BRF2: variants seen among roughly 807,000 people sequenced by gnomAD.
BRF2 encodes the protein transcription factor IIIB 50 kDa subunit.
BRF2 carries 17 observed loss-of-function variants against 26.6 expected under a neutral mutation model. The observed-to-expected ratio is 0.64, with a 90% CI of 0.44 to 0.96. BRF2 has a LOEUF of 0.96. Ranked by LOEUF, BRF2 falls within the 40% of genes least tolerant of loss-of-function variation. The probability of loss-of-function intolerance (pLI) is 0.00; values close to 1 mark genes in which losing one functional copy is unlikely to be tolerated. For synonymous variants in BRF2, 219 were observed against 226.6 expected, an observed-to-expected ratio of 0.97 and a Z score of 0.30; for missense variants, 515 against 537.0, an observed-to-expected ratio of 0.96 and a Z score of 0.40.
Position 37,844,405 on chromosome 8 carries a change from G to T in BRF2, c.*85C>A. ...TCAAACAAGAAAAGCAATACCTACG[G>T]ACTGGTGTACACTTCCATCCTTGGT... is the stretch of plus-strand genomic sequence containing the variant. On this transcript the variant is annotated 3_prime_UTR_variant, in exon 4 of 4. Transcript: ENST00000220659. The T allele has an allele frequency of 6.6e-7, 1 of 1,526,272 alleles. No individual in the cohort carries two copies. The highest frequency in any genetic ancestry group is 1.2e-5 in the South Asian group (1 of 80,486). 94.5% of individuals were successfully genotyped at this position (1,526,272 alleles called of 1,614,324 possible).
chr8:37,845,726 C>A, intron 3 of BRF2: 1 of 699,114 alleles, frequency 1.4e-6, no homozygotes, highest in South Asian at 1.5e-5. Context: ...CGCTTGAGCC[C>A]ATGAGTTCCA....
intron 3 of BRF2, among the ~76,000 whole-genome samples, chr8:37,846,347 C>CT (rs1805956009): frequency 6.6e-6 from 1 of 150,628 alleles, no homozygotes; most frequent in African/African-American, 2.4e-5. Context: ...GACTCGGTCT[C>CT]AAAAAAAAGA....
At chr8:37,847,222 G>T in intron 2 of BRF2, 47 bp from the exon 3 acceptor site, 1 of 1,555,734 alleles carries the variant, frequency 6.4e-7, no homozygotes, top group Non-Finnish European at 8.9e-7. Flanking sequence ...AGGAGCTATC[G>T]TGCAACTCCT....
chr8:37,848,063 C>A (rs1375844172), intron 2 of BRF2, among the ~76,000 whole-genome samples: 1 of 151,248 alleles, frequency 6.6e-6, no homozygotes, highest in African/African-American at 2.4e-5. Flanking sequence ...CATTCTCCTG[C>A]CTCAGCCTCC....
intron 1 of BRF2, among the ~76,000 whole-genome samples, chr8:37,849,067 T>C (rs1806016475): frequency 6.6e-6 from 1 of 152,096 alleles, no homozygotes; most frequent in South Asian, 2.1e-4. Context: ...GGATTACAGG[T>C]GTATGCCACC....
Position 37,846,980 on chromosome 8 carries a change from G to T in BRF2, c.410C>A (p.Ala137Asp). The T allele has an allele frequency of 6.2e-6, 10 of 1,614,186 alleles. No homozygotes were observed. Among genetic ancestry groups the T allele is most frequent in the Non-Finnish European group, 8.5e-6 (10 of 1,180,014 alleles). Residue 137 changes from alanine (A) to aspartate (D), a missense_variant, in exon 3 of 4, where the codon GCC becomes GAC. Transcript: ENST00000220659. ...ATCTGCATACAACAGCGTGCAGATG[G>T]CCCCCATTGTTAGGGGCCAGTTATG... is the stretch of plus-strand genomic sequence containing the variant. ...RQHNWPLTMG[A>D]ICTLLYADLD...
intron 3 of BRF2, among the ~76,000 whole-genome samples, chr8:37,845,433 G>A (rs147146483): frequency 2.5e-3 from 383 of 151,916 alleles, no homozygotes; most frequent in African/African-American, 8.7e-3. Flanking sequence ...TTTATTGGGC[G>A]CCTCCCAATC....
In BRF2 at chr8:37,849,708, G is replaced by T. The variant is rs768954605; in HGVS notation, c.76C>A (p.Leu26Met). 6.2e-7 allele frequency: 1 copy of T among 1,613,708 alleles called. No individual in the cohort carries two copies. The highest frequency in any genetic ancestry group is 1.7e-5 in the Admixed American group (1 of 60,028). The change falls in exon 1 of 4, where the codon CTG becomes ATG. Residue 26 changes from leucine (L) to methionine (M), a missense_variant. Transcript: ENST00000220659. ...ACGCAGCCGCAGTCGGAGCACACCA[G>T]CTGGCTCTGCGAATAGTGCGAGTCT... ...VEDSHYSQSQLVCSDCGCVVT... is the reference protein window; with the variant it reads ...VEDSHYSQSQMVCSDCGCVVT...
chr8:37,849,623 C>G lies in BRF2; in HGVS notation c.154+7G>C. On this transcript the variant is annotated splice_region_variant and intron_variant, in intron 1 of 3. Transcript: ENST00000220659. The stretch of plus-strand genomic sequence containing the variant: ...CCGCCCCAGGCTGTCCCCAGGGCCA[C>G]AAGTACCTCGGAGATTGCCCTCGTC... 3.1e-6 allele frequency: 5 copies of G among 1,611,600 alleles called. No homozygotes were observed. Among genetic ancestry groups the G allele is most frequent in the Non-Finnish European group, 4.2e-6 (5 of 1,178,710 alleles).
Position 37,844,735 on chromosome 8 carries a change from C to T in BRF2, c.1015G>A (p.Gly339Arg). 6.2e-7 allele frequency: 1 copy of T among 1,614,036 alleles called. No individual in the cohort carries two copies. The highest frequency in any genetic ancestry group is 8.5e-7 in the Non-Finnish European group (1 of 1,180,020). Residue 339 changes from glycine (G) to arginine (R), a missense_variant, in exon 4 of 4, where the codon GGA becomes AGA. Gly to Arg is a moderately radical substitution (Grantham distance 125). Coordinates refer to ENST00000220659, the MANE Select transcript of BRF2 (RefSeq NM_018310.4). ...WGQGQGEGEV[G>R]NNSLGLPQGK... ...TGGGGTAAACCTAAGGAATTATTTC[C>T]CACCTCCCCTTCTCCTTGCCCCTGT...
chr8:37,845,604 A>T (rs989748852), intron 3 of BRF2: 2 of 667,994 alleles, frequency 3.0e-6, no homozygotes, highest in South Asian at 3.3e-5. Context: ...TCTACTTTCA[A>T]CGTTATTTAT....
rs1041065046 is a variant in BRF2 at position 37,849,818 on chromosome 8, G to A, written c.-35C>T. Reference sequence around the variant, plus strand: ...GGCCCCAAAGCCGCGGAAGCCTTCAGAGACTCCTGGGTCTGCAACAGCAAC... The same window carrying A: ...GGCCCCAAAGCCGCGGAAGCCTTCAAAGACTCCTGGGTCTGCAACAGCAAC... On this transcript the variant is annotated 5_prime_UTR_variant, in exon 1 of 4. Coordinates refer to ENST00000220659, the MANE Select transcript of BRF2 (RefSeq NM_018310.4). 6 of 1,573,178 alleles carry A rather than the reference G, an allele frequency of 3.8e-6. No individual in the cohort carries two copies. The Admixed American group carries it at 5.5e-5, about 14-fold the overall frequency.
rs1203758506 is a variant in BRF2, at chr8:37,844,931, C to T, written c.819G>A (p.Leu273=). The change falls in exon 4 of 4, where the codon CTG becomes CTA. Residue 273 remains leucine (L), a synonymous_variant. Transcript: ENST00000220659. ...AGGCCAGCTGCTCAGCCATCCGCAG[C>T]AGCACAGCCAGCAGCTCCTGCAGGC... ...SSRLQELLAV[L]LRMAEQLAWL... The T allele has an allele frequency of 1.9e-6, 3 of 1,614,062 alleles. No individual in the cohort carries two copies. The Admixed American group carries it at 5.0e-5, about 27-fold the overall frequency.
intron 3 of BRF2, among the ~76,000 whole-genome samples, chr8:37,846,419 A>C (rs544657888): frequency 1.5e-4 from 23 of 152,214 alleles, no homozygotes; most frequent in Non-Finnish European, 3.2e-4. Flanking sequence ...TTTAAACTAA[A>C]GATCTTTCTC....
In BRF2 at chr8:37,849,791, C is replaced by T; in HGVS notation, c.-8G>A. 6.2e-7 allele frequency: 1 copy of T among 1,603,894 alleles called. No individual in the cohort carries two copies. The highest frequency in any genetic ancestry group is 8.5e-7 in the Non-Finnish European group (1 of 1,176,846). On this transcript the variant is annotated 5_prime_UTR_variant, in exon 1 of 4. Transcript: ENST00000220659. ...GCGGCCTCTGCCTGGCATCTCACAA[C>T]CGGCCCCAAAGCCGCGGAAGCCTTC...
Position 37,844,851 on chromosome 8 carries a change from A to T in BRF2, c.899T>A (p.Leu300His). Residue 300 changes from leucine to histidine, a missense_variant, in exon 4 of 4, where the codon CTT becomes CAT. Transcript: ENST00000220659. ...KRSVVKHIGD[L>H]LQHRQSLVRS... ...GACCAGTGACTGGCGGTGCTGGAGA[A>T]GGTCACCGATGTGCTTCACCACAGA... 1.2e-6 allele frequency: 2 copies of T among 1,614,182 alleles called. No homozygotes were observed. Among genetic ancestry groups the T allele is most frequent in the Non-Finnish European group, 1.7e-6 (2 of 1,180,032 alleles).
rs1805904164 is a variant in BRF2, at chr8:37,844,230, G to C, written c.*260C>G. The C allele has an allele frequency of 2.0e-6, 1 of 489,798 alleles. No homozygotes were observed. The highest frequency in any genetic ancestry group is 1.9e-5 in the African/African-American group (1 of 52,252). 30.3% of individuals were successfully genotyped at this position (489,798 alleles called of 1,614,324 possible). ...GCCTGACATTTTCCCATCCATCTAT[G>C]AGGAAAGCCATCTCACAGAACATGG... On this transcript the variant is annotated 3_prime_UTR_variant, in exon 4 of 4. Coordinates refer to ENST00000220659, the MANE Select transcript of BRF2 (RefSeq NM_018310.4).
chr8:37,845,395 G>A (rs1805937435), intron 3 of BRF2, among the ~76,000 whole-genome samples, 182 bp from the exon 4 acceptor site: 1 of 151,776 alleles, frequency 6.6e-6, no homozygotes, highest in African/African-American at 2.4e-5. Flanking sequence ...GTTAGGGGAA[G>A]GTGGAGGGAT....
intron 3 of BRF2, among the ~76,000 whole-genome samples, chr8:37,846,329 C>A (rs1286503660): frequency 2.0e-5 from 3 of 151,108 alleles, no homozygotes; most frequent in Admixed American, 2.0e-4. Flanking sequence ...GCCTGGGCAA[C>A]ACAGCAAGAC....
Sources: allele counts gnomAD v4.1 joint callset (sites outside exome capture counted in the v4.1 genomes callset), GRCh38; gene constraint gnomAD v4.1.1; transcripts MANE v1.5; gene names NCBI Gene and HGNC (gene_info 2026-07-23, HGNC 2026-07-21).